The following NRXN1 variants were observed in gnomAD, a reference collection of about 807,000 sequenced individuals.
The protein encoded by NRXN1 is neurexin-1.
In NRXN1, 39 loss-of-function variants were observed where a neutral mutation model predicts 150.9. That is an observed-to-expected ratio of 0.26 (90% CI 0.20 to 0.34). NRXN1 has a LOEUF of 0.34. NRXN1 is among the 10% of genes least tolerant of loss of function. NRXN1 has a pLI of 1.00. For synonymous variants in NRXN1, 924 were observed against 757.0 expected (o/e 1.22, Z -3.62); for missense variants, 1,815 against 1,949.9 (o/e 0.93, Z 1.30).
intron 8 of NRXN1, among the ~76,000 whole-genome samples, chr2:50,612,825 G>T (rs746018249): frequency 1.1e-4 from 17 of 152,168 alleles, no homozygotes; most frequent in Admixed American, 7.2e-4. Context: ...ATTTGCATAA[G>T]GGAATGATTA....
intron 21 of NRXN1, among the ~76,000 whole-genome samples, chr2:49,990,785 A>C (rs1230408455): frequency 1.3e-5 from 2 of 152,328 alleles, no homozygotes; most frequent in East Asian, 3.9e-4. Context: ...CACTAGATAT[A>C]GAATGAAAGA....
At chr2:50,944,346 A>T (rs1399511510) in intron 2 of NRXN1, among the ~76,000 whole-genome samples, 2 of 152,122 alleles carry the variant, frequency 1.3e-5, no homozygotes, top group Non-Finnish European at 2.9e-5. Flanking sequence ...ACTACTCTCT[A>T]ATGTGACACT....
chr2:50,836,685 G>A (rs1005757960), intron 5 of NRXN1, among the ~76,000 whole-genome samples: 2 of 151,924 alleles, frequency 1.3e-5, no homozygotes, highest in Non-Finnish European at 2.9e-5. Flanking sequence ...ATTTCATTAT[G>A]CATATATACC....
At chr2:50,536,567 T>A (rs957661454) in intron 10 of NRXN1, among the ~76,000 whole-genome samples, 4 of 152,188 alleles carry the variant, frequency 2.6e-5, no homozygotes, top group African/African-American at 9.7e-5. Flanking sequence ...AAAGCTTCCG[T>A]AATTCATGTG....
At chr2:50,769,505 G>A (rs1400921740) in intron 5 of NRXN1, among the ~76,000 whole-genome samples, 3 of 152,068 alleles carry the variant, frequency 2.0e-5, no homozygotes, top group Non-Finnish European at 4.4e-5. Flanking sequence ...TAAAAGAGAT[G>A]GGAGCGAGAA....
intron 5 of NRXN1, among the ~76,000 whole-genome samples, chr2:50,759,690 T>A (rs1701568255): frequency 6.6e-6 from 1 of 151,880 alleles, no homozygotes; most frequent in Non-Finnish European, 1.5e-5. Flanking sequence ...TTGATTTGGT[T>A]AAGGACATGA....
chr2:50,184,065 G>T (rs1267004215), intron 18 of NRXN1, among the ~76,000 whole-genome samples: 3 of 151,962 alleles, frequency 2.0e-5, no homozygotes, highest in African/African-American at 7.2e-5. Flanking sequence ...TCTGTAAAAA[G>T]TTCGACAGGA....
intron 5 of NRXN1, among the ~76,000 whole-genome samples, chr2:50,790,736 C>T (rs568054819): frequency 2.6e-5 from 4 of 152,112 alleles, no homozygotes; most frequent in Non-Finnish European, 4.4e-5. Context: ...TTTGCCTATA[C>T]ATAATGTTCA....
chr2:49,983,980 G>C (rs1009416005), intron 21 of NRXN1, among the ~76,000 whole-genome samples: 5 of 150,714 alleles, frequency 3.3e-5, no homozygotes, highest in Non-Finnish European at 5.9e-5. Context: ...CTGGGCAATA[G>C]AGTGAGATCT....
intron 5 of NRXN1, among the ~76,000 whole-genome samples, chr2:50,745,815 C>T (rs1046007336): frequency 2.0e-5 from 3 of 152,108 alleles, no homozygotes; most frequent in Admixed American, 1.3e-4. Context: ...CATGGGGGAA[C>T]TACCCCCATG....
At chr2:50,852,498 T>C (rs1196186230) in intron 5 of NRXN1, among the ~76,000 whole-genome samples, 1 of 152,184 alleles carries the variant, frequency 6.6e-6, no homozygotes, top group Non-Finnish European at 1.5e-5. Context: ...CATATTTCTG[T>C]CAATTCTTTG....
At chr2:50,294,127 C>A (rs575341598) in intron 17 of NRXN1, among the ~76,000 whole-genome samples, 1 of 152,228 alleles carries the variant, frequency 6.6e-6, no homozygotes, top group East Asian at 1.9e-4. Flanking sequence ...TAAACTTTTC[C>A]AAATAGAGCT....
chr2:50,183,970 T>G (rs2060906160), intron 18 of NRXN1, among the ~76,000 whole-genome samples: 1 of 151,966 alleles, frequency 6.6e-6, no homozygotes, highest in African/African-American at 2.4e-5. Flanking sequence ...AGCAAGTACA[T>G]TCGCACTGAT....
chr2:50,040,567 C>T (rs1480230050), intron 21 of NRXN1, among the ~76,000 whole-genome samples: 2 of 151,970 alleles, frequency 1.3e-5, no homozygotes, highest in Non-Finnish European at 1.5e-5. Context: ...TATTAAAAGA[C>T]ATTTACTCTG....
At chr2:50,835,051 G>A (rs951206615) in intron 5 of NRXN1, among the ~76,000 whole-genome samples, 3 of 152,098 alleles carry the variant, frequency 2.0e-5, no homozygotes, top group African/African-American at 7.2e-5. Flanking sequence ...TGTATTTTCT[G>A]AGAATAATAT....
chr2:50,039,236 A>T (rs7580898), intron 21 of NRXN1, among the ~76,000 whole-genome samples: 60,564 of 151,806 alleles, frequency 0.4, 12,671 homozygotes, highest in Middle Eastern at 0.52. Flanking sequence ...GAGGCTGAGG[A>T]GGGTAGATCA....
intron 9 of NRXN1, among the ~76,000 whole-genome samples, chr2:50,541,530 C>T (rs947615407): frequency 1.3e-5 from 2 of 152,060 alleles, no homozygotes; most frequent in African/African-American, 4.8e-5. Context: ...TTGCTTTGAG[C>T]AAAGTATTGT....
At chr2:50,838,247 A>G (rs1672376078) in intron 5 of NRXN1, among the ~76,000 whole-genome samples, 1 of 152,142 alleles carries the variant, frequency 6.6e-6, no homozygotes, top group African/African-American at 2.4e-5. Context: ...ATATGTATGT[A>G]AGTCATGAAA....
At chr2:50,162,329 C>T (rs2059412484) in intron 18 of NRXN1, among the ~76,000 whole-genome samples, 1 of 152,110 alleles carries the variant, frequency 6.6e-6, no homozygotes, top group Non-Finnish European at 1.5e-5. Context: ...TTTATTAAAA[C>T]TCTTCATGGA....
Sources: allele counts gnomAD v4.1 joint callset (sites outside exome capture counted in the v4.1 genomes callset), GRCh38; gene constraint gnomAD v4.1.1; transcripts MANE v1.5; gene names NCBI Gene and HGNC (gene_info 2026-07-23, HGNC 2026-07-21).